Variants in COLEC12 observed in about 807,000 individuals in gnomAD.
COLEC12 encodes collectin-12.
In COLEC12, 33 loss-of-function variants were observed where a neutral mutation model predicts 71.1. The ratio of observed to expected loss-of-function variants is 0.46; its 90% confidence interval spans 0.35 to 0.62. The LOEUF is 0.62. Ranked by LOEUF, COLEC12 falls within the 20% of genes least tolerant of loss-of-function variation. COLEC12 has a pLI of 0.00. For missense variants in COLEC12, 765 were observed against 916.1 expected (o/e 0.84, Z 2.13); for synonymous variants, 350 against 353.0 (o/e 0.99, Z 0.10).
intron 2 of COLEC12, chr18:424,136 A>G (rs1013400790): frequency 6.6e-6 from 1 of 152,232 alleles, no homozygotes; most frequent in Non-Finnish European, 1.5e-5. Flanking sequence ...GTTATAAATT[A>G]CACCAAAGAC....
chr18:364,609 T>G (rs1223774123), intron 2 of COLEC12, among the ~76,000 whole-genome samples: 1 of 152,176 alleles, frequency 6.6e-6, no homozygotes, highest in African/African-American at 2.4e-5. Context: ...ATCTTTTCAT[T>G]AAAAGGACTC....
chr18:368,680 T>C (rs1274281), intron 2 of COLEC12, among the ~76,000 whole-genome samples: 27,513 of 151,316 alleles, frequency 0.18, 2,763 homozygotes, highest in South Asian at 0.3. Context: ...CTGGCTAACA[T>C]GGTGAAACCC....
intron 2 of COLEC12, among the ~76,000 whole-genome samples, chr18:479,526 A>ACTCTCTCT (rs541393393): frequency 6.9e-6 from 1 of 144,078 alleles, no homozygotes; most frequent in African/African-American, 2.6e-5. Flanking sequence ...TCATTTTCAT[A>ACTCTCTCT]CTCTCTCTCT....
At chr18:344,783 A>G (rs1241988260) in intron 5 of COLEC12, among the ~76,000 whole-genome samples, 1 of 152,194 alleles carries the variant, frequency 6.6e-6, no homozygotes, top group African/African-American at 2.4e-5. Flanking sequence ...ATGTATTCCT[A>G]TCTACTTCAT....
chr18:390,086 A>C (rs1347989119), intron 2 of COLEC12, among the ~76,000 whole-genome samples: 1 of 152,230 alleles, frequency 6.6e-6, no homozygotes, highest in Non-Finnish European at 1.5e-5. Flanking sequence ...GAGCAAACAC[A>C]CTGAGACTTA....
chr18:424,085 C>T (rs1236459503), intron 2 of COLEC12: 3 of 152,182 alleles, frequency 2.0e-5, no homozygotes, highest in Non-Finnish European at 2.9e-5. Flanking sequence ...AATTATAGAA[C>T]CAACATCCCT....
At chr18:322,212 A>ACG (rs1485016757) in intron 8 of COLEC12, among the ~76,000 whole-genome samples, 17 of 152,026 alleles carry the variant, frequency 1.1e-4, no homozygotes, top group African/African-American at 3.1e-4. Flanking sequence ...ACACACACAC[A>ACG]CACGCACACA....
intron 1 of COLEC12, among the ~76,000 whole-genome samples, chr18:499,717 C>G (rs1917782096): frequency 6.6e-6 from 1 of 152,274 alleles, no homozygotes; most frequent in Non-Finnish European, 1.5e-5. Context: ...GCTGACAAAT[C>G]TCCGTGTTTC....
chr18:350,613 C>T (rs1914492896), intron 3 of COLEC12, among the ~76,000 whole-genome samples: 2 of 151,328 alleles, frequency 1.3e-5, no homozygotes, highest in East Asian at 3.9e-4. Context: ...GACTGTCCTT[C>T]TTAGTATCAA....
At chr18:402,403 G>C (rs1241507706) in intron 2 of COLEC12, among the ~76,000 whole-genome samples, 5 of 152,130 alleles carry the variant, frequency 3.3e-5, no homozygotes, top group African/African-American at 1.2e-4. Context: ...CAGCAACTCA[G>C]GTTTCCTGCC....
chr18:350,368 A>G (rs2143483710), intron 3 of COLEC12, among the ~76,000 whole-genome samples: 1 of 152,270 alleles, frequency 6.6e-6, no homozygotes, highest in South Asian at 2.1e-4. Flanking sequence ...GTGGAACTGT[A>G]ATTCCAGTTA....
At chr18:337,752 C>T (rs1914151081) in intron 5 of COLEC12, among the ~76,000 whole-genome samples, 1 of 152,160 alleles carries the variant, frequency 6.6e-6, no homozygotes, top group Non-Finnish European at 1.5e-5. Context: ...TTCTCAGGTT[C>T]CGCCAGCACC....
At position 452,530 on chromosome 18, in the gene COLEC12, G is replaced by A. The variant is rs369572444; in HGVS notation, c.58+28177C>T. On this transcript the variant is annotated intron_variant, in intron 2 of 9. Transcript: ENST00000400256. The stretch of plus-strand genomic sequence containing the variant: ...CTCTTCAGCAGAAGCATCTTCCTCC[G>A]CCTCACAACCACCACTATCAAAGAG... 1.7e-4 allele frequency among the ~76,000 whole-genome samples: 26 copies of A among 152,152 alleles called. No individual in the cohort carries two copies. In the East Asian group the frequency reaches 3.7e-3, roughly 21 times the overall value.
intron 2 of COLEC12, among the ~76,000 whole-genome samples, chr18:465,970 C>T (rs568873129): frequency 1.3e-5 from 2 of 152,056 alleles, no homozygotes; most frequent in Non-Finnish European, 2.9e-5. Flanking sequence ...GCCACTTGGG[C>T]GGCAGGAGAA....
chr18:485,315 C>T (rs1917499563), intron 1 of COLEC12, among the ~76,000 whole-genome samples: 1 of 152,210 alleles, frequency 6.6e-6, no homozygotes, highest in South Asian at 2.1e-4. Context: ...ACAACTGCCA[C>T]ACTCCTACAT....
rs149147004 is a variant in COLEC12, at chr18:318,786, C to G, written c.*1259G>C. The G allele has an allele frequency of 6.6e-6, 1 of 152,208 alleles. No homozygotes were observed. Among genetic ancestry groups the G allele is most frequent in the Non-Finnish European group, 1.5e-5 (1 of 68,046 alleles). The allele number at this position is 152,208 out of a possible 1,614,324, so 9.4% of individuals were successfully genotyped here. The stretch of plus-strand genomic sequence containing the variant: ...GGGATTACAGGCATGAGCCACTGCG[C>G]CCGGCTGGAAAGGTTCTTTTAAGAG... On this transcript the variant is annotated 3_prime_UTR_variant, in exon 10 of 10. Transcript: ENST00000400256.
At chr18:393,105 T>C (rs1915497231) in intron 2 of COLEC12, among the ~76,000 whole-genome samples, 1 of 152,242 alleles carries the variant, frequency 6.6e-6, no homozygotes, top group Non-Finnish European at 1.5e-5. Flanking sequence ...ACAGCAGGCT[T>C]AGGCTGAATT....
chr18:402,036 C>G (rs1324323364), intron 2 of COLEC12, among the ~76,000 whole-genome samples: 1 of 152,186 alleles, frequency 6.6e-6, no homozygotes, highest in Admixed American at 6.5e-5. Context: ...CAATTCTATT[C>G]TACTTAGCAT....
At chr18:465,353 C>G (rs1187778272) in intron 2 of COLEC12, among the ~76,000 whole-genome samples, 1 of 152,188 alleles carries the variant, frequency 6.6e-6, no homozygotes, top group Admixed American at 6.5e-5. Context: ...TCCGCCCACC[C>G]TGACTCCCAA....
Sources: gnomAD v4.1 joint callset for allele counts (sites outside exome capture counted in the v4.1 genomes callset) on GRCh38, gnomAD v4.1.1 for gene constraint, MANE v1.5 for transcripts, NCBI Gene and HGNC (gene_info 2026-07-23, HGNC 2026-07-21) for gene names.